GCN1: variants seen among roughly 807,000 people sequenced by gnomAD.
GCN1 encodes the protein stalled ribosome sensor GCN1.
A neutral mutation model predicts 288.4 loss-of-function variants in GCN1; 90 were observed. The observed-to-expected ratio is 0.31, with a 90% CI of 0.26 to 0.37. The LOEUF (loss-of-function observed/expected upper bound fraction) is 0.37, where lower values mean the gene tolerates loss of function less well. Among genes scored for constraint, GCN1 ranks in the 10% least tolerant of loss-of-function variants. GCN1 has a pLI of 1.00. For missense variants in GCN1, 2,586 were observed against 3,419.9 expected (o/e 0.76, Z 6.08); for synonymous variants, 1,386 against 1,420.2 (o/e 0.98, Z 0.54).
chr12:120,156,594 G>A lies in GCN1; in HGVS notation c.3179C>T (p.Ser1060Leu). The A allele has an allele frequency of 6.2e-7, 1 of 1,614,006 alleles. No individual in the cohort carries two copies. ...TGSPRLQVLA[S>L]DTLTTLCASS... ...GGCACACAGGGTGGTCAGGGTGTCT[G>A]AAGCCAGAACCTAAGGAGAACATCA... The change falls in exon 28 of 58, where the codon TCA becomes TTA. Residue 1060 changes from serine (S) to leucine (L), a missense_variant. Around this residue, in one of 8 missense-constraint regions of GCN1, gnomAD observed 153 missense variants for 252.0 expected, o/e 0.61. Transcript: ENST00000300648. The surrounding 1 kb of genome is among the most constrained non-coding windows in gnomAD (Gnocchi z 5.8).
At position 120,142,800 on chromosome 12, in the gene GCN1, GGGC is replaced by G. The variant is rs757803038; in HGVS notation, c.5613+21_5613+23del. The G allele has an allele frequency of 4.4e-6, 7 of 1,587,856 alleles. No homozygotes were observed. Among genetic ancestry groups the G allele is most frequent in the Non-Finnish European group, 6.1e-6 (7 of 1,156,164 alleles). On this transcript the variant is annotated intron_variant, in intron 43 of 57. Transcript: ENST00000300648. This position sits in a 1 kb window ranked among gnomAD's most constrained non-coding sequence, Gnocchi z 4.9. ...TCAGGGCACACCCTACCATCAGCAG[GGGC>G]AGGAAAGCCACTGCAGGCACCTTGT...
rs776665680 is a variant in GCN1, at chr12:120,148,186, G to A, written c.4707C>T (p.Ile1569=). The A allele has an allele frequency of 3.1e-6, 5 of 1,613,288 alleles. No individual in the cohort carries two copies. Among genetic ancestry groups the A allele is most frequent in the Non-Finnish European group, 4.2e-6 (5 of 1,179,586 alleles). Residue 1569 remains isoleucine, a synonymous_variant, in exon 37 of 58, where the codon ATC becomes ATT. Transcript: ENST00000300648. ...QQALRQIGSV[I]RNPEILAIAP... Reference sequence around the variant, plus strand: ...GCCTACCCAGGATCTCCGGGTTCCTGATAACGGAGCCGATCTGCCTGAGCG... The same window carrying A: ...GCCTACCCAGGATCTCCGGGTTCCTAATAACGGAGCCGATCTGCCTGAGCG...
At chr12:120,179,554 C>T (rs1447399644) in intron 5 of GCN1, among the ~76,000 whole-genome samples, 2 of 152,092 alleles carry the variant, frequency 1.3e-5, no homozygotes, top group Admixed American at 1.3e-4. Flanking sequence ...TGTCCACCAC[C>T]ATGCCCACCT....
At position 120,137,485 on chromosome 12, in the gene GCN1, T is replaced by A; in HGVS notation, c.6663+60A>T. The A allele has an allele frequency of 6.4e-7, 1 of 1,567,516 alleles. No homozygotes were observed. Among genetic ancestry groups the A allele is most frequent in the South Asian group, 1.1e-5 (1 of 89,144 alleles). ...TGGGGGATTCTTATAAGTCTATTCCTGTAAATGTCTGGAATTTTCTAAAAG... is the reference window on the plus strand; with the variant it reads ...TGGGGGATTCTTATAAGTCTATTCCAGTAAATGTCTGGAATTTTCTAAAAG... On this transcript the variant is annotated intron_variant, in intron 49 of 57. Coordinates refer to ENST00000300648, the MANE Select transcript of GCN1 (RefSeq NM_006836.2). This position sits in a 1 kb window ranked among gnomAD's most constrained non-coding sequence, Gnocchi z 5.2.
Position 120,190,369 on chromosome 12 carries a change from T to G in GCN1, c.50A>C (p.Lys17Thr). 6.2e-7 allele frequency: 1 copy of G among 1,609,242 alleles called. No individual in the cohort carries two copies. The highest frequency in any genetic ancestry group is 8.5e-7 in the Non-Finnish European group (1 of 1,175,570). ...TTCCTTTACACTGGCTGTTGTCACC[T>G]TCCCTGCAAAACGCTTTAGTGTCTC... is the stretch of plus-strand genomic sequence containing the variant. ...VSETLKRFAG[K>T]VTTASVKERR... is the part of the protein sequence containing the mutation. The change falls in exon 2 of 58, where the codon AAG becomes ACG. Residue 17 changes from lysine (K) to threonine (T), a missense_variant. By Grantham distance (78) the Lys-to-Thr change is moderately conservative (BLOSUM62 -1). This residue lies in a region of GCN1 where 913 missense variants were observed against 1,107.0 expected (regional missense o/e 0.82). Coordinates refer to ENST00000300648, the MANE Select transcript of GCN1 (RefSeq NM_006836.2).
chr12:120,136,799 G>T, intron 50 of GCN1, 67 bp from the exon 51 acceptor site: 1 of 1,180,516 alleles, frequency 8.5e-7, no homozygotes, highest in Non-Finnish European at 1.2e-6. Context: ...TCCCATGCAA[G>T]CAAAGTGGTC....
At position 120,176,134 on chromosome 12, in the gene GCN1, G is replaced by A. The variant is rs781239428; in HGVS notation, c.913+9C>T. 1 of 1,582,618 alleles carries A rather than the reference G, an allele frequency of 6.3e-7. No individual in the cohort carries two copies. Among genetic ancestry groups the A allele is most frequent in the Middle Eastern group, 1.7e-4 (1 of 5,996 alleles). ...CACTTATGGGCTGGAGAGGGGCTGG[G>A]ATACTCACCAGCCAGTCCTTTCACG... On this transcript the variant is annotated intron_variant, in intron 10 of 57. Transcript: ENST00000300648.
chr12:120,136,719 A>T lies in GCN1; in HGVS notation c.6791T>A (p.Ile2264Asn). 6.2e-7 allele frequency: 1 copy of T among 1,613,382 alleles called. No individual in the cohort carries two copies. Among genetic ancestry groups the T allele is most frequent in the Non-Finnish European group, 8.5e-7 (1 of 1,179,636 alleles). The change falls in exon 51 of 58, where the codon ATC (isoleucine) becomes AAC (asparagine). Residue 2264 changes from isoleucine to asparagine, a missense_variant. Coordinates refer to ENST00000300648, the MANE Select transcript of GCN1 (RefSeq NM_006836.2). Reference sequence around the variant, plus strand: ...GACTCCTTCCCGCAACACTGGAAGGATGGAGGTCACTCCCTGACAAGAGAA... The same window carrying T: ...GACTCCTTCCCGCAACACTGGAAGGTTGGAGGTCACTCCCTGACAAGAGAA... The part of the protein sequence containing the change: ...FCLPKKGVTS[I>N]LPVLREGVLT...
Position 120,134,279 on chromosome 12 carries a change from C to G in GCN1, c.7317+12G>C, listed in dbSNP as rs1428991002. ...GGTCCAGTGCTGCCACTAGTCCTGC[C>G]TGCAGCCGTACCTCATCGTGTCCCA... On this transcript the variant is annotated intron_variant, in intron 53 of 57. Transcript: ENST00000300648. The surrounding 1 kb of genome is among the most constrained non-coding windows in gnomAD (Gnocchi z 5.0). 2 of 1,588,348 alleles carry G rather than the reference C, an allele frequency of 1.3e-6. No homozygotes were observed. The highest frequency in any genetic ancestry group is 1.7e-6 in the Non-Finnish European group (2 of 1,156,830).
At chr12:120,157,804 C>A in intron 26 of GCN1, 45 bp downstream of exon 26, 1 of 1,530,080 alleles carries the variant, frequency 6.5e-7, no homozygotes, top group Non-Finnish European at 9.0e-7. Context: ...CCCTGCCTCC[C>A]TGATCCCCTT....
rs1233172223 is a variant in GCN1 at position 120,184,256 on chromosome 12, G to A, written c.186-13C>T. On this transcript the variant is annotated splice_polypyrimidine_tract_variant and intron_variant, in intron 3 of 57. Coordinates refer to ENST00000300648, the MANE Select transcript of GCN1 (RefSeq NM_006836.2). Reference sequence around the variant, plus strand: ...GGAGGCTGCATCTCTAGGGGGAGAGGCAAAGGAAAGGGTGAACATGCAGAC... The same window carrying A: ...GGAGGCTGCATCTCTAGGGGGAGAGACAAAGGAAAGGGTGAACATGCAGAC... The A allele has an allele frequency of 1.9e-6, 3 of 1,608,622 alleles. No individual in the cohort carries two copies. The highest frequency in any genetic ancestry group is 8.5e-7 in the Non-Finnish European group (1 of 1,178,216).
intron 51 of GCN1, among the ~76,000 whole-genome samples, chr12:120,135,459 G>A (rs1876971579): frequency 6.6e-6 from 1 of 151,802 alleles, no homozygotes; most frequent in Non-Finnish European, 1.5e-5. Context: ...CGCCTCCCGG[G>A]TTTAAGCAAT....
At chr12:120,176,455 G>A (rs1878484765) in intron 9 of GCN1, among the ~76,000 whole-genome samples, 1 of 152,188 alleles carries the variant, frequency 6.6e-6, no homozygotes, top group African/African-American at 2.4e-5. Context: ...CAGGGACAGA[G>A]ACTCAACCCT....
Position 120,151,421 on chromosome 12 carries a change from G to C in GCN1, c.4063-30C>G, listed in dbSNP as rs368534855. On this transcript the variant is annotated intron_variant, in intron 33 of 57. Coordinates refer to ENST00000300648, the MANE Select transcript of GCN1 (RefSeq NM_006836.2). The stretch of plus-strand genomic sequence containing the variant: ...GGAAGGGCCCACCTGTCAATGCTGT[G>C]GCTCCGCTGCAGCCGTTTCATGGTT... 3 of 1,609,660 alleles carry C rather than the reference G, an allele frequency of 1.9e-6. No homozygotes were observed. The African/African-American group carries it at 4.0e-5, about 21-fold the overall frequency.
At chr12:120,152,645 A>G (rs963332059) in intron 33 of GCN1, among the ~76,000 whole-genome samples, 30 of 137,474 alleles carry the variant, frequency 2.2e-4, no homozygotes, top group Admixed American at 6.0e-4. Flanking sequence ...GCGCACACAC[A>G]CACACACACA....
rs745578869 is a variant in GCN1, at chr12:120,157,003, A to C, written c.3088-11T>G. Reference sequence around the variant, plus strand: ...CAACTCCGGGCCATTCTAGGAGAGAACGGCAGGTAAGTCGAGATGAGGCTG... The same window carrying C: ...CAACTCCGGGCCATTCTAGGAGAGACCGGCAGGTAAGTCGAGATGAGGCTG... On this transcript the variant is annotated splice_polypyrimidine_tract_variant and intron_variant, in intron 26 of 57. Transcript: ENST00000300648. The C allele has an allele frequency of 6.2e-7, 1 of 1,602,578 alleles. No individual in the cohort carries two copies.
chr12:120,132,220 A>G (rs1236549195), intron 53 of GCN1, among the ~76,000 whole-genome samples, 198 bp from the exon 54 acceptor site: 1 of 152,250 alleles, frequency 6.6e-6, no homozygotes, highest in Non-Finnish European at 1.5e-5. Context: ...ATGGAGTTAA[A>G]CATTACACAG....
chr12:120,167,340 G>A (rs1409986680), intron 16 of GCN1, among the ~76,000 whole-genome samples: 2 of 98,790 alleles, frequency 2.0e-5, no homozygotes, highest in African/African-American at 4.1e-5. Context: ...CAATAAGAAC[G>A]AAACTCCATC....
chr12:120,153,332 C>T lies in GCN1; in HGVS notation c.3943G>A (p.Val1315Met). ...NAPNDASYDA[V>M]RQSVVVLMGS... The stretch of plus-strand genomic sequence containing the variant: ...ATCAGGACCACCACACTCTGTCGCA[C>T]AGCATCATAGCTGGCATCATTGGGC... Residue 1315 changes from valine (V) to methionine (M), a missense_variant, in exon 33 of 58, where the codon GTG (valine) becomes ATG (methionine). Around this residue, in one of 8 missense-constraint regions of GCN1, gnomAD observed 332 missense variants for 403.0 expected, o/e 0.82. Coordinates refer to ENST00000300648, the MANE Select transcript of GCN1 (RefSeq NM_006836.2). This position sits in a 1 kb window ranked among gnomAD's most constrained non-coding sequence, Gnocchi z 4.4. 1 of 1,614,214 alleles carries T rather than the reference C, an allele frequency of 6.2e-7. No individual in the cohort carries two copies. The highest frequency in any genetic ancestry group is 1.1e-5 in the South Asian group (1 of 91,088).
Sources: allele counts gnomAD v4.1 joint callset (sites outside exome capture counted in the v4.1 genomes callset), GRCh38; gene constraint gnomAD v4.1.1; regional missense constraint gnomAD v4.1.1; non-coding constraint Gnocchi (gnomAD v3.1); transcripts MANE v1.5; gene names NCBI Gene and HGNC (gene_info 2026-07-23, HGNC 2026-07-21).